The following RNF216 variants were observed in gnomAD, a reference collection of about 807,000 sequenced individuals.
The protein encoded by RNF216 is ring finger protein 216, also known as E3 ubiquitin-protein ligase RNF216.
A neutral mutation model predicts 110.8 loss-of-function variants in RNF216; 72 were observed. The ratio of observed to expected loss-of-function variants is 0.65; its 90% CI spans 0.54 to 0.79. The LOEUF is 0.79. Among genes scored for constraint, RNF216 ranks in the 30% least tolerant of loss-of-function variants. The pLI, the probability that RNF216 is intolerant of heterozygous loss-of-function variation, is 0.00. For synonymous variants in RNF216, 495 were observed against 407.5 expected (o/e 1.21, Z -2.59); for missense variants, 1,342 against 1,141.2 (o/e 1.18, Z -2.54).
In RNF216 at chr7:5,641,433, T is replaced by C. The variant is rs1054601808; in HGVS notation, c.2160-57A>G. 8.1e-6 allele frequency: 11 copies of C among 1,352,110 alleles called. No individual in the cohort carries two copies. The South Asian group carries it at 9.7e-5, about 12-fold the overall frequency. 83.8% of individuals were successfully genotyped at this position (1,352,110 alleles called of 1,614,324 possible). ...AGGGAAGATGAGGAGGAAAAAAATA[T>C]GGCCATTAAGCATTTATTTATTTTC... On this transcript the variant is annotated intron_variant, in intron 14 of 16. Coordinates refer to ENST00000389902, the MANE Select transcript of RNF216 (RefSeq NM_207111.4).
intron 1 of RNF216, among the ~76,000 whole-genome samples, chr7:5,761,685 C>A (rs1166233382): frequency 6.6e-6 from 1 of 151,914 alleles, no homozygotes; most frequent in Non-Finnish European, 1.5e-5. Flanking sequence ...ACTCTGGACA[C>A]TGAGGCAGGA....
At chr7:5,659,635 G>T (rs1028380418) in intron 13 of RNF216, among the ~76,000 whole-genome samples, 1 of 152,192 alleles carries the variant, frequency 6.6e-6, no homozygotes, top group East Asian at 1.9e-4. Flanking sequence ...TGGTTTGCTG[G>T]GGTTGTAGGA....
At chr7:5,755,241 AGG>A (rs1481227902) in intron 2 of RNF216, among the ~76,000 whole-genome samples, 91 of 1,616 alleles carry the variant, frequency 0.056, no homozygotes, top group African/African-American at 0.13. Flanking sequence ...GAAGGATGAA[AGG>A]AAGGAAGGAA....
chr7:5,640,223 C>T (rs191642275), intron 15 of RNF216, among the ~76,000 whole-genome samples: 106 of 152,238 alleles, frequency 7.0e-4, no homozygotes, highest in African/African-American at 2.5e-3. Flanking sequence ...TCATGTATCC[C>T]TAATCTTTGT....
chr7:5,656,820 C>T (rs1008875292), intron 13 of RNF216, among the ~76,000 whole-genome samples: 5 of 152,172 alleles, frequency 3.3e-5, no homozygotes, highest in Non-Finnish European at 7.3e-5. Flanking sequence ...CCAGATGACC[C>T]TATCATGATG....
At chr7:5,641,633 T>C (rs1484692831) in intron 14 of RNF216, among the ~76,000 whole-genome samples, 1 of 152,164 alleles carries the variant, frequency 6.6e-6, no homozygotes, top group Non-Finnish European at 1.5e-5. Context: ...TTTCTCATGG[T>C]GTTTTGAGAA....
chr7:5,714,956 C>T, intron 11 of RNF216, 97 bp downstream of exon 11: 1 of 1,135,434 alleles, frequency 8.8e-7, no homozygotes, highest in Non-Finnish European at 1.2e-6. Flanking sequence ...AACTCCACCT[C>T]ACCCTCAAAG....
chr7:5,767,163 A>G (rs1796250116), intron 1 of RNF216, among the ~76,000 whole-genome samples: 1 of 152,228 alleles, frequency 6.6e-6, no homozygotes. Flanking sequence ...TCCACTACAG[A>G]AAGGACGAAT....
chr7:5,632,446 G>A (rs1276462383), intron 15 of RNF216, among the ~76,000 whole-genome samples: 1 of 152,216 alleles, frequency 6.6e-6, no homozygotes, highest in Non-Finnish European at 1.5e-5. Flanking sequence ...CCAGGCTGAG[G>A]TGAGAGGGAG....
At chr7:5,713,373 G>C (rs1371461572) in intron 11 of RNF216, 1 of 153,706 alleles carries the variant, frequency 6.5e-6, no homozygotes. Flanking sequence ...GGACCACACG[G>C]CTCTGGACTG....
In RNF216 at chr7:5,736,283, G is replaced by A. The variant is rs113827391; in HGVS notation, c.1121+2993C>T. Among the ~76,000 whole-genome samples, 328 of 152,256 alleles carry A rather than the reference G, an allele frequency of 2.2e-3. 4 individuals are homozygous for A. The highest frequency in any genetic ancestry group is 0.01 in the Middle Eastern group (3 of 294). ...CAGGTGCGCGCCGCCACGCCTGACT[G>A]GTTTTCGTATTTTTTTTTGGTGGAG... On this transcript the variant is annotated intron_variant, in intron 5 of 16. Transcript: ENST00000389902.
At position 5,641,136 on chromosome 7, in the gene RNF216, A is replaced by G; in HGVS notation, c.2382+18T>C. 3 of 1,553,876 alleles carry G rather than the reference A, an allele frequency of 1.9e-6. No homozygotes were observed. The highest frequency in any genetic ancestry group is 1.4e-5 in the African/African-American group (1 of 73,776). The stretch of plus-strand genomic sequence containing the variant: ...ATTTTCTCCCTATAAAGCAATAGGC[A>G]GCCATGTGTCTACTTACAGTGGGAT... On this transcript the variant is annotated intron_variant, in intron 15 of 16. Coordinates refer to ENST00000389902, the MANE Select transcript of RNF216 (RefSeq NM_207111.4).
intron 9 of RNF216, among the ~76,000 whole-genome samples, chr7:5,717,147 A>C (rs1793116419): frequency 6.6e-6 from 1 of 152,198 alleles, no homozygotes; most frequent in African/African-American, 2.4e-5. Flanking sequence ...TGAGATCAGG[A>C]GTTCGAGACC....
intron 15 of RNF216, among the ~76,000 whole-genome samples, chr7:5,634,044 C>T (rs536968759): frequency 2.6e-5 from 4 of 152,340 alleles, no homozygotes; most frequent in African/African-American, 9.6e-5. Flanking sequence ...GAACAGTAAT[C>T]AGCAGCCACA....
intron 2 of RNF216, among the ~76,000 whole-genome samples, chr7:5,757,152 T>C (rs1668054667): frequency 1.3e-5 from 2 of 152,362 alleles, no homozygotes; most frequent in South Asian, 4.1e-4. Context: ...TCTATATTCA[T>C]ACAAGTGTGT....
At chr7:5,751,674 C>G (rs1457133535) in intron 3 of RNF216, among the ~76,000 whole-genome samples, 1 of 151,930 alleles carries the variant, frequency 6.6e-6, no homozygotes, top group East Asian at 1.9e-4. Flanking sequence ...AGAAAAGTAA[C>G]TTTGAAAGGA....
At chr7:5,671,727 A>G (rs1789924642) in intron 13 of RNF216, among the ~76,000 whole-genome samples, 1 of 149,912 alleles carries the variant, frequency 6.7e-6, no homozygotes, top group South Asian at 2.1e-4. Context: ...ATCTCTTCAA[A>G]CTGGAAGGCG....
chr7:5,755,218 GAAGGAAGGGAGGGAAGGATGA>G (rs1215719605), intron 2 of RNF216, among the ~76,000 whole-genome samples: 20 of 111,052 alleles, frequency 1.8e-4, no homozygotes, highest in Admixed American at 1.7e-3. Context: ...AGGAAGAAAG[GAAGGAAGGGAGGGAAGGATGA>G]AAGGAAGGAA....
intron 15 of RNF216, among the ~76,000 whole-genome samples, chr7:5,630,308 G>A (rs1786991996): frequency 6.6e-6 from 1 of 152,118 alleles, no homozygotes; most frequent in Non-Finnish European, 1.5e-5. Flanking sequence ...TGCATATGCA[G>A]CTCTACCCCC....
Sources: allele counts gnomAD v4.1 joint callset (sites outside exome capture counted in the v4.1 genomes callset), GRCh38; gene constraint gnomAD v4.1.1; transcripts MANE v1.5; gene names NCBI Gene and HGNC (gene_info 2026-07-23, HGNC 2026-07-21).